The following CACNA1D variants were observed in gnomAD, a reference collection of about 807,000 sequenced individuals.
CACNA1D encodes the protein calcium voltage-gated channel subunit alpha1 D.
In CACNA1D, 55 loss-of-function variants were observed where a neutral mutation model predicts 257.1. The observed-to-expected ratio is 0.21, with a 90% CI of 0.17 to 0.27. The LOEUF is 0.27. Ranked by LOEUF, CACNA1D falls within the 10% of genes least tolerant of loss-of-function variation. The pLI is 1.00. For missense variants in CACNA1D, 1,876 were observed against 2,784.0 expected (o/e 0.67, Z 7.34); for synonymous variants, 980 against 1,014.9 (o/e 0.97, Z 0.65).
At chr3:53,569,075 T>A (rs2092899665) in intron 3 of CACNA1D, among the ~76,000 whole-genome samples, 1 of 152,204 alleles carries the variant, frequency 6.6e-6, no homozygotes, top group Non-Finnish European at 1.5e-5. Context: ...CCCACCTCAC[T>A]GTTGCTTCCT....
chr3:53,706,511 C>T (rs367941970), intron 9 of CACNA1D, among the ~76,000 whole-genome samples: 11 of 152,162 alleles, frequency 7.2e-5, no homozygotes, highest in African/African-American at 2.7e-4. Context: ...TATATCTCCC[C>T]ATGGGGCTGT....
chr3:53,533,283 T>C (rs1180867337), intron 3 of CACNA1D, among the ~76,000 whole-genome samples: 2 of 152,228 alleles, frequency 1.3e-5, no homozygotes, highest in African/African-American at 4.8e-5. Context: ...TATTGTTTAT[T>C]GTATATCACC....
intron 3 of CACNA1D, among the ~76,000 whole-genome samples, chr3:53,639,954 C>T (rs1036055047): frequency 5.3e-5 from 8 of 150,592 alleles, no homozygotes; most frequent in African/African-American, 1.5e-4. Context: ...CTCTGCCTCC[C>T]GGGTTCAAAC....
rs114147814 is a variant in CACNA1D at position 53,791,241 on chromosome 3, C to T, written c.4923+4289C>T. ...CCAGGGCTGCCTGTCGCGGACGTTG[C>T]TCACGGTGGTTCTTTTTCGTGAAAG... is the stretch of plus-strand genomic sequence containing the variant. On this transcript the variant is annotated intron_variant, in intron 40 of 47. Coordinates refer to ENST00000350061, the MANE Select transcript of CACNA1D (RefSeq NM_001128840.3). The T allele has an allele frequency of 1.9e-3, 1,065 of 554,472 alleles. 7 individuals are homozygous for T. Among genetic ancestry groups the T allele is most frequent in the African/African-American group, 0.018 (966 of 52,964 alleles). 34.3% of individuals were successfully genotyped at this position (554,472 alleles called of 1,614,324 possible).
At position 53,749,310 on chromosome 3, in the gene CACNA1D, C is replaced by T. The variant is rs766466105; in HGVS notation, c.3357C>T (p.Gly1119=). Residue 1119 remains glycine (G), a synonymous_variant, in exon 27 of 48, where the codon GGC becomes GGT. Coordinates refer to ENST00000350061, the MANE Select transcript of CACNA1D (RefSeq NM_001128840.3). ...KAIDSNGENI[G]PIYNHRVEIS... ...TCGACTCGAATGGAGAGAACATCGG[C>T]CCAATCTACAACCACCGCGTGGAGA... The T allele has an allele frequency of 1.8e-5, 29 of 1,613,836 alleles. No individual in the cohort carries two copies. Among genetic ancestry groups the T allele is most frequent in the Non-Finnish European group, 2.3e-5 (27 of 1,179,910 alleles).
At chr3:53,566,195 C>G (rs775579513) in intron 3 of CACNA1D, among the ~76,000 whole-genome samples, 57 of 152,172 alleles carry the variant, frequency 3.7e-4, no homozygotes, top group Non-Finnish European at 1.3e-4. Context: ...CAGAGCATAG[C>G]AAGTTCTTAC....
chr3:53,555,479 T>TG (rs2092626511), intron 3 of CACNA1D, among the ~76,000 whole-genome samples: 1 of 147,804 alleles, frequency 6.8e-6, no homozygotes, highest in African/African-American at 2.5e-5. Flanking sequence ...TTTTTTTTTT[T>TG]TTTCTGAGGT....
intron 16 of CACNA1D, 84 bp downstream of exon 16, chr3:53,730,640 G>C: frequency 9.8e-7 from 1 of 1,022,252 alleles, no homozygotes; most frequent in Non-Finnish European, 1.5e-6. Flanking sequence ...GCTTACCCCC[G>C]CATCACGGCA....
At chr3:53,645,340 T>G (rs1454774075) in intron 3 of CACNA1D, among the ~76,000 whole-genome samples, 2 of 152,248 alleles carry the variant, frequency 1.3e-5, no homozygotes, top group Non-Finnish European at 2.9e-5. Context: ...CATATGTTTA[T>G]TTTGGCTTAT....
At position 53,666,523 on chromosome 3, in the gene CACNA1D, T is replaced by C. The variant is rs2250736; in HGVS notation, c.1104T>C (p.Asp368=). 0.56 allele frequency: 904,895 copies of C among 1,612,480 alleles called. 260,082 individuals carry two copies. Among genetic ancestry groups the C allele is most frequent in the African/African-American group, 0.88 (66,217 of 74,976 alleles). ...FQCITMEGWT[D]VLYWMNDAMG... ...GCATCACCATGGAGGGCTGGACAGA[T>C]GTGCTCTACTGGGTAAGTACCCTGG... Residue 368 remains aspartate (D), a synonymous_variant, in exon 7 of 48, where the codon GAT becomes GAC. Coordinates refer to ENST00000350061, the MANE Select transcript of CACNA1D (RefSeq NM_001128840.3).
Position 53,682,119 on chromosome 3 carries a change from A to G in CACNA1D, c.1220+8993A>G, listed in dbSNP as rs9856454. Among the ~76,000 whole-genome samples the G allele has an allele frequency of 7.0e-3, 1,073 of 152,250 alleles. 10 individuals carry two copies. The highest frequency in any genetic ancestry group is 0.024 in the African/African-American group (1,017 of 41,528). On this transcript the variant is annotated intron_variant, in intron 8 of 47. Transcript: ENST00000350061. ...AATTTTAAGCAGGGAGTGATATTCA[A>G]ATTTACATTTTCTAAAAATTATGCT...
At chr3:53,586,319 T>TGTGC (rs1491378698) in intron 3 of CACNA1D, among the ~76,000 whole-genome samples, 117 of 150,020 alleles carry the variant, frequency 7.8e-4, no homozygotes, top group Non-Finnish European at 1.3e-3. Context: ...TGTGTGTGTG[T>TGTGC]GCATTCCTCC....
intron 3 of CACNA1D, among the ~76,000 whole-genome samples, chr3:53,567,802 G>A (rs1335690405): frequency 6.6e-6 from 1 of 152,224 alleles, no homozygotes; most frequent in Non-Finnish European, 1.5e-5. Context: ...TGCCTGGGCT[G>A]TATACACTGT....
chr3:53,713,223 C>T (rs1183500496), intron 9 of CACNA1D, among the ~76,000 whole-genome samples: 1 of 152,170 alleles, frequency 6.6e-6, no homozygotes, highest in Non-Finnish European at 1.5e-5. Flanking sequence ...TGCCTTCCTG[C>T]AGTTATAGCA....
chr3:53,660,187 C>T lies in CACNA1D; in HGVS notation c.678C>T (p.His226=), dbSNP rs2094189810. 3 of 1,613,902 alleles carry T rather than the reference C, an allele frequency of 1.9e-6. No individual in the cohort carries two copies. Among genetic ancestry groups the T allele is most frequent in the Non-Finnish European group, 2.5e-6 (3 of 1,179,888 alleles). Residue 226 remains histidine, a synonymous_variant, in exon 5 of 48, where the codon CAC becomes CAT. Transcript: ENST00000350061. ...QLTKETEGGN[H]SSGKSGGFDV... ...CCAAAGAAACAGAAGGCGGGAACCA[C>T]TCAAGCGGCAAATCTGGAGGCTTTG...
chr3:53,704,372 C>G (rs976827643), intron 9 of CACNA1D, among the ~76,000 whole-genome samples: 1 of 152,132 alleles, frequency 6.6e-6, no homozygotes, highest in Admixed American at 6.5e-5. Context: ...TGCTTCTTGC[C>G]AGGCTCAGGA....
At chr3:53,570,046 C>CT in intron 3 of CACNA1D, among the ~76,000 whole-genome samples, 1 of 151,944 alleles carries the variant, frequency 6.6e-6, no homozygotes. Context: ...CAATTCAAAA[C>CT]TTTTTGGAAA....
At chr3:53,726,109 C>A (rs1165037922) in intron 14 of CACNA1D, among the ~76,000 whole-genome samples, 1 of 152,178 alleles carries the variant, frequency 6.6e-6, no homozygotes, top group Non-Finnish European at 1.5e-5. Flanking sequence ...ATGAGATGCA[C>A]CTTCTGACAC....
chr3:53,643,535 T>C (rs963502276), intron 3 of CACNA1D, among the ~76,000 whole-genome samples: 3 of 152,186 alleles, frequency 2.0e-5, no homozygotes, highest in Admixed American at 2.0e-4. Context: ...CGGTTCTTGC[T>C]GTTCTTGCTT....
Sources: allele counts gnomAD v4.1 joint callset (sites outside exome capture counted in the v4.1 genomes callset), GRCh38; gene constraint gnomAD v4.1.1; transcripts MANE v1.5; gene names NCBI Gene and HGNC (gene_info 2026-07-23, HGNC 2026-07-21).